The following TRAF2 variants were observed in gnomAD, a reference collection of about 807,000 sequenced individuals.
TRAF2 encodes the protein TNF receptor associated factor 2, also known as TNF receptor-associated factor 2.
Under a neutral mutation model 55.6 loss-of-function variants are expected in TRAF2, and 6 were observed. The ratio of observed to expected loss-of-function variants is 0.11; its 90% confidence interval spans 0.06 to 0.21. TRAF2 has a LOEUF of 0.21. Ranked by LOEUF, TRAF2 falls within the 10% of genes least tolerant of loss-of-function variation. The pLI is 1.00. For missense variants in TRAF2, 561 were observed against 684.5 expected, an observed-to-expected ratio of 0.82 and a Z score of 2.01; for synonymous variants, 329 against 276.3, an observed-to-expected ratio of 1.19 and a Z score of -1.89.
chr9:136,894,252 G>T (rs1030999068), intron 1 of TRAF2, among the ~76,000 whole-genome samples: 4 of 151,594 alleles, frequency 2.6e-5, no homozygotes, highest in Non-Finnish European at 4.4e-5. Context: ...TCACCATGTT[G>T]GCCAGGATGG....
Position 136,912,150 on chromosome 9 carries a change from CCCTTTT to C in TRAF2, c.603+2157_603+2162del, listed in dbSNP as rs1314128740. 1.9e-3 allele frequency among the ~76,000 whole-genome samples: 240 copies of C among 125,102 alleles called. 4 individuals carry two copies. Among genetic ancestry groups the C allele is most frequent in the African/African-American group, 7.9e-3 (234 of 29,802 alleles). The allele number at this position is 125,102 out of a possible 152,430, so 82.1% of individuals were successfully genotyped here. A position where few individuals can be genotyped will look rare whatever the true frequency, so the allele number is the denominator to read the frequency against. On this transcript the variant is annotated intron_variant, in intron 6 of 10. Transcript: ENST00000247668. Reference sequence around the variant, plus strand: ...TACAGGCGTGAGCCACTGCGTCTGGCCCTTTTTTTTTTTTTTTTTTTTTTTTTTTGG... The same window carrying C: ...TACAGGCGTGAGCCACTGCGTCTGGCTTTTTTTTTTTTTTTTTTTTTTTGG...
intron 6 of TRAF2, among the ~76,000 whole-genome samples, chr9:136,912,208 C>CT (rs1268144021): frequency 1.7e-5 from 2 of 116,874 alleles, no homozygotes; most frequent in African/African-American, 3.4e-5. Context: ...TGTCGTCAGG[C>CT]TGGAAGTGCA....
At chr9:136,921,754 C>T (rs1299536703) in intron 9 of TRAF2, among the ~76,000 whole-genome samples, 2 of 152,034 alleles carry the variant, frequency 1.3e-5, no homozygotes, top group African/African-American at 2.4e-5. Flanking sequence ...GTGGGGTCTC[C>T]CCTGGAGGGC....
chr9:136,899,532 T>A, intron 2 of TRAF2, 62 bp from the exon 3 acceptor site: 2 of 1,502,954 alleles, frequency 1.3e-6, no homozygotes, highest in Non-Finnish European at 9.2e-7. Flanking sequence ...CTGAAGCAAA[T>A]GGTGTTTGTT....
intron 4 of TRAF2, among the ~76,000 whole-genome samples, chr9:136,901,600 G>T (rs2131295775): frequency 6.6e-6 from 1 of 152,306 alleles, no homozygotes; most frequent in African/African-American, 2.4e-5. Context: ...GGAGACAGGG[G>T]TCATTGTTCA....
intron 4 of TRAF2, among the ~76,000 whole-genome samples, chr9:136,906,850 G>A (rs562389940): frequency 2.6e-5 from 4 of 152,254 alleles, no homozygotes; most frequent in South Asian, 4.1e-4. Context: ...CCTCTCTCCC[G>A]TTACACTAGC....
At chr9:136,908,035 C>T (rs370025066) in intron 4 of TRAF2, 35 bp from the exon 5 acceptor site, 17 of 1,575,858 alleles carry the variant, frequency 1.1e-5, no homozygotes, top group Middle Eastern at 1.7e-4. Context: ...ATGTCCCACG[C>T]GAGTTCTACT....
chr9:136,924,389 A>G (rs2131337297), intron 10 of TRAF2, among the ~76,000 whole-genome samples: 1 of 130,348 alleles, frequency 7.7e-6, no homozygotes, highest in South Asian at 2.6e-4. Flanking sequence ...GTGAGAACCC[A>G]TGTCTACAAA....
At chr9:136,914,318 C>T (rs1850190205) in intron 6 of TRAF2, among the ~76,000 whole-genome samples, 1 of 152,222 alleles carries the variant, frequency 6.6e-6, no homozygotes, top group Non-Finnish European at 1.5e-5. Flanking sequence ...GATCGCACCC[C>T]CCATTCCCAG....
intron 5 of TRAF2, among the ~76,000 whole-genome samples, chr9:136,909,247 T>C (rs1850039679): frequency 6.7e-5 from 1 of 14,970 alleles, no homozygotes; most frequent in African/African-American, 5.5e-4. Context: ...GCGCCATGTC[T>C]GAGATGCAGC....
intron 5 of TRAF2, among the ~76,000 whole-genome samples, chr9:136,909,502 A>G (rs762065397): frequency 6.6e-6 from 1 of 151,788 alleles, no homozygotes; most frequent in Non-Finnish European, 1.5e-5. Context: ...ACCATAGCAC[A>G]TCTGGGGTGC....
intron 1 of TRAF2, among the ~76,000 whole-genome samples, chr9:136,889,370 GC>G (rs892320054): frequency 5.9e-5 from 9 of 151,448 alleles, no homozygotes; most frequent in African/African-American, 1.9e-4. Flanking sequence ...TGCAACCTCT[GC>G]CTCCCAGGTT....
chr9:136,916,516 G>T, intron 6 of TRAF2, 25 bp from the exon 7 acceptor site: 1 of 1,610,298 alleles, frequency 6.2e-7, no homozygotes, highest in Non-Finnish European at 8.5e-7. Flanking sequence ...GAGAAAGATG[G>T]CTCTGTGACG....
intron 4 of TRAF2, among the ~76,000 whole-genome samples, chr9:136,901,051 C>T (rs1407747411): frequency 2.0e-5 from 3 of 152,148 alleles, no homozygotes; most frequent in Admixed American, 6.5e-5. Flanking sequence ...CCTGTGGTCA[C>T]AGCAACATAG....
intron 6 of TRAF2, among the ~76,000 whole-genome samples, chr9:136,911,169 C>T (rs1196419413): frequency 6.6e-6 from 1 of 152,204 alleles, no homozygotes; most frequent in Admixed American, 6.5e-5. Flanking sequence ...AGACGGGCGC[C>T]CACGCAGCGC....
rs916567462 is a variant in TRAF2, at chr9:136,923,727, C to T, written c.1139-125C>T. The T allele has an allele frequency of 1.2e-5, 11 of 921,814 alleles. No homozygotes were observed. In the African/African-American group the frequency reaches 1.5e-4, roughly 13 times the overall value. 57.1% of individuals were successfully genotyped at this position (921,814 alleles called of 1,614,324 possible). ...TTGAGGGAAAAAAAACTTTTCTTTG[C>T]ACCCCAGAACCTGAATGTTTCTTTG... On this transcript the variant is annotated intron_variant, in intron 9 of 10. Transcript: ENST00000247668.
intron 1 of TRAF2, among the ~76,000 whole-genome samples, chr9:136,889,037 TG>T (rs1849516972): frequency 6.6e-6 from 1 of 152,090 alleles, no homozygotes; most frequent in Non-Finnish European, 1.5e-5. Context: ...GCTAATTTTT[TG>T]TATTTTTAAT....
At chr9:136,924,861 C>G (rs545481387) in intron 10 of TRAF2, among the ~76,000 whole-genome samples, 1 of 152,050 alleles carries the variant, frequency 6.6e-6, no homozygotes, top group Non-Finnish European at 1.5e-5. Context: ...GCCTCAGCCT[C>G]CTGAGTAGCT....
rs568378095 is a variant in TRAF2, at chr9:136,898,908, C to T, written c.168C>T (p.Phe56=). 222 of 1,610,046 alleles carry T rather than the reference C, an allele frequency of 1.4e-4. 3 individuals are homozygous for T. In the South Asian group the frequency reaches 2.2e-3, roughly 16 times the overall value. ...AGTGTGGCCACCGGTACTGCTCCTT[C>T]TGCCTGGCCAGCATCCTCAGGTGCA... ...QAQCGHRYCS[F]CLASILSSGP... Residue 56 remains phenylalanine (F), a synonymous_variant, in exon 2 of 11, where the codon TTC becomes TTT. Transcript: ENST00000247668.
Sources: allele counts gnomAD v4.1 joint callset (sites outside exome capture counted in the v4.1 genomes callset), GRCh38; gene constraint gnomAD v4.1.1; transcripts MANE v1.5; gene names NCBI Gene and HGNC (gene_info 2026-07-23, HGNC 2026-07-21).